Variants in WDR70 observed in about 807,000 individuals in gnomAD.
WDR70 encodes WD repeat domain 70.
A neutral mutation model predicts 88.6 loss-of-function variants in WDR70; 53 were observed. The ratio of observed to expected loss-of-function variants is 0.60; its 90% CI spans 0.48 to 0.75. The LOEUF is 0.75. WDR70 is among the 30% of genes least tolerant of loss of function. The pLI is 0.00. For synonymous variants in WDR70, 280 were observed against 270.0 expected (o/e 1.04, Z -0.36); for missense variants, 610 against 823.2 (o/e 0.74, Z 3.17).
intron 5 of WDR70, among the ~76,000 whole-genome samples, chr5:37,428,648 C>T (rs1750208619): frequency 6.6e-6 from 1 of 152,148 alleles, no homozygotes; most frequent in Admixed American, 6.5e-5. Flanking sequence ...TATGAATCTA[C>T]CATAGATTAT....
chr5:37,718,954 AAAAG>A (rs1200102219), intron 13 of WDR70, among the ~76,000 whole-genome samples: 24 of 152,210 alleles, frequency 1.6e-4, no homozygotes, highest in African/African-American at 3.9e-4. Flanking sequence ...ATGCTATAAA[AAAAG>A]AAAAGCAGAC....
intron 5 of WDR70, among the ~76,000 whole-genome samples, chr5:37,417,083 G>C (rs1392753128): frequency 6.6e-6 from 1 of 151,970 alleles, no homozygotes; most frequent in Non-Finnish European, 1.5e-5. Context: ...GATGGACACT[G>C]CTAGTATGGA....
At chr5:37,414,671 C>G (rs1749639404) in intron 5 of WDR70, among the ~76,000 whole-genome samples, 2 of 149,274 alleles carry the variant, frequency 1.3e-5, no homozygotes, top group African/African-American at 5.0e-5. Flanking sequence ...AGTAGGTACT[C>G]AAGAAATATT....
intron 5 of WDR70, among the ~76,000 whole-genome samples, chr5:37,417,838 C>T (rs945314082): frequency 5.3e-5 from 8 of 152,272 alleles, no homozygotes; most frequent in Middle Eastern, 3.4e-3. Context: ...TGAACCACTG[C>T]GCCCAATACA....
At chr5:37,419,919 T>G (rs1476838855) in intron 5 of WDR70, among the ~76,000 whole-genome samples, 1 of 152,230 alleles carries the variant, frequency 6.6e-6, no homozygotes, top group Non-Finnish European at 1.5e-5. Context: ...TTACATTTCT[T>G]TTTGAGATGG....
chr5:37,550,971 G>A (rs919241618), intron 9 of WDR70, among the ~76,000 whole-genome samples: 5 of 152,006 alleles, frequency 3.3e-5, no homozygotes, highest in African/African-American at 4.8e-5. Flanking sequence ...GCAGCTTAAC[G>A]TTATTTGCAT....
chr5:37,646,733 A>G (rs1745249918), intron 10 of WDR70, among the ~76,000 whole-genome samples: 1 of 152,084 alleles, frequency 6.6e-6, no homozygotes, highest in Non-Finnish European at 1.5e-5. Flanking sequence ...GCTGCCAGGC[A>G]TATTGGAGCC....
chr5:37,621,902 T>C (rs1744513862), intron 10 of WDR70, among the ~76,000 whole-genome samples: 1 of 152,206 alleles, frequency 6.6e-6, no homozygotes, highest in South Asian at 2.1e-4. Flanking sequence ...AATTAATTTT[T>C]GTATAAGGTG....
intron 10 of WDR70, among the ~76,000 whole-genome samples, chr5:37,646,839 C>CT: frequency 6.6e-6 from 1 of 152,150 alleles, no homozygotes; most frequent in Non-Finnish European, 1.5e-5. Context: ...GTCTTCTGCT[C>CT]TTTTTTTAGG....
intron 13 of WDR70, among the ~76,000 whole-genome samples, chr5:37,716,496 C>T (rs1173576583): frequency 1.3e-5 from 2 of 152,058 alleles, no homozygotes; most frequent in Non-Finnish European, 2.9e-5. Context: ...CCAAATAGGG[C>T]TTTGCATGGT....
chr5:37,420,433 T>C (rs1199529610), intron 5 of WDR70, among the ~76,000 whole-genome samples: 1 of 152,012 alleles, frequency 6.6e-6, no homozygotes, highest in Non-Finnish European at 1.5e-5. Flanking sequence ...TGAAAAAGAT[T>C]TGTTTTTTTC....
At chr5:37,462,129 G>C (rs1467735632) in intron 7 of WDR70, among the ~76,000 whole-genome samples, 1 of 152,050 alleles carries the variant, frequency 6.6e-6, no homozygotes, top group African/African-American at 2.4e-5. Flanking sequence ...TTGGAGTAGG[G>C]AAGTCTGATG....
At chr5:37,455,744 G>A (rs1006456660) in intron 7 of WDR70, among the ~76,000 whole-genome samples, 1 of 136,846 alleles carries the variant, frequency 7.3e-6, no homozygotes, top group African/African-American at 2.6e-5. Context: ...ATTTATTCAG[G>A]TATAATTTAC....
At chr5:37,728,139 G>A in intron 17 of WDR70, among the ~76,000 whole-genome samples, 1 of 151,942 alleles carries the variant, frequency 6.6e-6, no homozygotes, top group South Asian at 2.1e-4. Flanking sequence ...CTTGAGATCA[G>A]GAGTTCAAGA....
chr5:37,497,222 C>A (rs1442377655), intron 8 of WDR70, among the ~76,000 whole-genome samples: 3 of 146,268 alleles, frequency 2.1e-5, no homozygotes, highest in Non-Finnish European at 4.5e-5. Context: ...CCATCCTCCT[C>A]CGTCCTCCCT....
chr5:37,737,591 A>G (rs548623593), intron 17 of WDR70, among the ~76,000 whole-genome samples: 1 of 152,282 alleles, frequency 6.6e-6, no homozygotes, highest in South Asian at 2.1e-4. Context: ...GCAGGGCTAC[A>G]CCAATGCCAA....
At chr5:37,708,624 A>G (rs571620114) in intron 13 of WDR70, among the ~76,000 whole-genome samples, 1 of 152,304 alleles carries the variant, frequency 6.6e-6, no homozygotes, top group East Asian at 1.9e-4. Flanking sequence ...ATGGATAAAA[A>G]GGGCCATGAA....
At chr5:37,665,585 T>C (rs1438198142) in intron 10 of WDR70, among the ~76,000 whole-genome samples, 3 of 152,230 alleles carry the variant, frequency 2.0e-5, no homozygotes, top group Non-Finnish European at 4.4e-5. Flanking sequence ...TGTGAACTCA[T>C]GCTGCTGGAA....
intron 6 of WDR70, among the ~76,000 whole-genome samples, chr5:37,438,652 G>T (rs1750556452): frequency 2.0e-5 from 3 of 151,970 alleles, no homozygotes; most frequent in Non-Finnish European, 4.4e-5. Context: ...ATGTAAAGAA[G>T]TAAGAAAATA....
Sources: allele counts gnomAD v4.1 joint callset (sites outside exome capture counted in the v4.1 genomes callset), GRCh38; gene constraint gnomAD v4.1.1; transcripts MANE v1.5; gene names NCBI Gene and HGNC (gene_info 2026-07-23, HGNC 2026-07-21).